The following NTM variants were observed in gnomAD, a reference collection of about 807,000 sequenced individuals.
NTM encodes IgLON family member 2.
In NTM, 13 loss-of-function variants were observed where a neutral mutation model predicts 42.1. That is an observed-to-expected ratio of 0.31 (90% CI 0.20 to 0.49). The LOEUF (loss-of-function observed/expected upper bound fraction) is 0.49. Ranked by LOEUF, NTM falls within the 20% of genes least tolerant of loss-of-function variation. NTM has a pLI of 0.99. For missense variants in NTM, 373 were observed against 452.8 expected (o/e 0.82, Z 1.60); for synonymous variants, 187 against 179.2 (o/e 1.04, Z -0.35).
chr11:132,111,683 T>G (rs1023016865), intron 2 of NTM, among the ~76,000 whole-genome samples: 8 of 152,226 alleles, frequency 5.3e-5, no homozygotes, highest in African/African-American at 1.9e-4. Flanking sequence ...AGTTGTAGAT[T>G]CCTCAGACAT....
At chr11:131,430,296 G>A (rs1301259649) in intron 1 of NTM, among the ~76,000 whole-genome samples, 1 of 152,196 alleles carries the variant, frequency 6.6e-6, no homozygotes, top group Admixed American at 6.5e-5. Flanking sequence ...TAAACTATGA[G>A]GAAGACTTAT....
chr11:131,507,523 T>C (rs575633715), intron 1 of NTM, among the ~76,000 whole-genome samples: 1 of 152,290 alleles, frequency 6.6e-6, no homozygotes, highest in South Asian at 2.1e-4. Flanking sequence ...TGGTTTAGGA[T>C]TGACTTGGTG....
intron 1 of NTM, among the ~76,000 whole-genome samples, chr11:131,447,357 A>AC (rs1007121646): frequency 9.2e-5 from 14 of 151,646 alleles, no homozygotes; most frequent in East Asian, 1.9e-4. Flanking sequence ...AAATAAAGAG[A>AC]CCCCCCTTCC....
At chr11:131,654,678 C>T (rs2066952295) in intron 1 of NTM, among the ~76,000 whole-genome samples, 1 of 152,000 alleles carries the variant, frequency 6.6e-6, no homozygotes, top group African/African-American at 2.4e-5. Flanking sequence ...AGTTCTGGCT[C>T]TGTTAGTTCG....
In NTM at chr11:131,689,341, A is replaced by G. The variant is rs548558995; in HGVS notation, c.83-222223A>G. On this transcript the variant is annotated intron_variant, in intron 1 of 8. Coordinates refer to ENST00000683400, the MANE Select transcript of NTM (RefSeq NM_001352005.2). Reference sequence around the variant, plus strand: ...AGCCCCTCAGAAGCTAGCCATGGTAAAAAGGCTTGGCTCAGGAGGGGCTGG... The same window carrying G: ...AGCCCCTCAGAAGCTAGCCATGGTAGAAAGGCTTGGCTCAGGAGGGGCTGG... 1.1e-3 allele frequency among the ~76,000 whole-genome samples: 169 copies of G among 152,344 alleles called. 1 individual carries two copies. Among genetic ancestry groups the G allele is most frequent in the African/African-American group, 3.9e-3 (162 of 41,582 alleles).
chr11:131,615,924 G>A (rs1179454958), intron 1 of NTM, among the ~76,000 whole-genome samples: 5 of 152,242 alleles, frequency 3.3e-5, no homozygotes, highest in Non-Finnish European at 4.4e-5. Flanking sequence ...CTTGGGCAGC[G>A]GCTGGGGCGT....
intron 1 of NTM, among the ~76,000 whole-genome samples, chr11:131,403,686 TC>T (rs1945492159): frequency 6.6e-6 from 1 of 152,086 alleles, no homozygotes; most frequent in Non-Finnish European, 1.5e-5. Flanking sequence ...TCGTATCTTC[TC>T]CCCCTCCTCA....
intron 1 of NTM, among the ~76,000 whole-genome samples, chr11:131,463,704 A>C (rs11222653): frequency 6.6e-6 from 1 of 152,102 alleles, no homozygotes. Flanking sequence ...GCCCCTGCAA[A>C]TACTCTGCTT....
At chr11:132,151,648 T>C (rs1260293769) in intron 3 of NTM, among the ~76,000 whole-genome samples, 1 of 152,238 alleles carries the variant, frequency 6.6e-6, no homozygotes, top group Non-Finnish European at 1.5e-5. Context: ...AAATGAGTTT[T>C]CCTATTTCTT....
rs182624070 is a variant in NTM at position 132,267,452 on chromosome 11, C to T, written c.527-40237C>T. ...AGTTGATGGGTTTCAAATCCACACG[C>T]AAGCCCTTATCTTGGGTTCTTGGAT... is the stretch of plus-strand genomic sequence containing the variant. On this transcript the variant is annotated intron_variant, in intron 4 of 8. Transcript: ENST00000683400. Among the ~76,000 whole-genome samples, 6 of 151,040 alleles carry T rather than the reference C, an allele frequency of 4.0e-5. No individual in the cohort carries two copies. The East Asian group carries it at 1.2e-3, about 30-fold the overall frequency.
intron 1 of NTM, among the ~76,000 whole-genome samples, chr11:131,478,324 C>A (rs1284334209): frequency 1.3e-5 from 2 of 152,114 alleles, no homozygotes; most frequent in African/African-American, 4.8e-5. Context: ...TGGGAATTAC[C>A]CCCTACAGGG....
chr11:131,427,300 C>T (rs1346350821), intron 1 of NTM, among the ~76,000 whole-genome samples: 1 of 152,110 alleles, frequency 6.6e-6, no homozygotes, highest in African/African-American at 2.4e-5. Context: ...TAGGCATTAA[C>T]TGTGAAAATG....
chr11:131,829,243 G>T (rs1430818486), intron 1 of NTM, among the ~76,000 whole-genome samples: 1 of 152,070 alleles, frequency 6.6e-6, no homozygotes, highest in African/African-American at 2.4e-5. Context: ...TGTTACTTGG[G>T]TATATCATGT....
intron 1 of NTM, among the ~76,000 whole-genome samples, chr11:131,778,153 T>G (rs2087397783): frequency 6.6e-6 from 1 of 152,226 alleles, no homozygotes; most frequent in South Asian, 2.1e-4. Context: ...GCACCTGTCA[T>G]TCAAATCCCA....
At chr11:131,913,195 G>A (rs1359610634) in intron 2 of NTM, among the ~76,000 whole-genome samples, 1 of 152,224 alleles carries the variant, frequency 6.6e-6, no homozygotes, top group African/African-American at 2.4e-5. Flanking sequence ...GTCTAGAGCA[G>A]TAATAATCAA....
intron 1 of NTM, among the ~76,000 whole-genome samples, chr11:131,500,695 A>G (rs1310363929): frequency 1.4e-5 from 2 of 147,308 alleles, no homozygotes; most frequent in African/African-American, 2.5e-5. Context: ...TTAACTCATC[A>G]TTTACATTAG....
chr11:131,490,242 G>A (rs1254771166), intron 1 of NTM, among the ~76,000 whole-genome samples: 1 of 152,124 alleles, frequency 6.6e-6, no homozygotes, highest in Non-Finnish European at 1.5e-5. Context: ...AGGCGTGGTG[G>A]GGCCAAACAA....
chr11:131,488,691 T>A (rs531146501), intron 1 of NTM, among the ~76,000 whole-genome samples: 24 of 152,284 alleles, frequency 1.6e-4, no homozygotes, highest in African/African-American at 5.5e-4. Flanking sequence ...ATGCCCTTCT[T>A]ATGTGGAAAA....
chr11:132,183,201 A>G (rs1222117687), intron 3 of NTM, among the ~76,000 whole-genome samples: 1 of 152,160 alleles, frequency 6.6e-6, no homozygotes, highest in Non-Finnish European at 1.5e-5. Flanking sequence ...TTATTCTATG[A>G]CTGTAATAAT....
Sources: allele counts gnomAD v4.1 joint callset (sites outside exome capture counted in the v4.1 genomes callset), GRCh38; gene constraint gnomAD v4.1.1; transcripts MANE v1.5; gene names NCBI Gene and HGNC (gene_info 2026-07-23, HGNC 2026-07-21).